Variants in CRISP1 observed in about 807,000 individuals in gnomAD.
CRISP1 encodes the protein cysteine-rich secretory protein 1.
A neutral mutation model predicts 33.1 loss-of-function variants in CRISP1; 44 were observed. That is an observed-to-expected ratio of 1.33 (90% CI 1.05 to 1.71). CRISP1 has a LOEUF of 1.71. Ranked by LOEUF, CRISP1 falls within the 40% of genes most tolerant of loss-of-function variation. The probability of loss-of-function intolerance (pLI) is 0.00; values close to 1 mark genes in which losing one functional copy is unlikely to be tolerated. For missense variants in CRISP1, 390 were observed against 301.2 expected, an observed-to-expected ratio of 1.29 and a Z score of -2.18; for synonymous variants, 103 against 98.7, an observed-to-expected ratio of 1.04 and a Z score of -0.26.
At chr6:49,836,853 CT>C (rs1034159051) in intron 7 of CRISP1, among the ~76,000 whole-genome samples, 1 of 152,112 alleles carries the variant, frequency 6.6e-6, no homozygotes, top group African/African-American at 2.4e-5. Flanking sequence ...TAGTGTATCT[CT>C]GCTTCTTTTT....
intron 2 of CRISP1, among the ~76,000 whole-genome samples, chr6:49,855,742 C>T (rs1538194): frequency 0.19 from 28,317 of 152,066 alleles, 3,437 homozygotes; most frequent in Non-Finnish European, 0.26. Flanking sequence ...AAATTAGACA[C>T]CTAATATCCC....
chr6:49,851,131 T>C (rs1438561285), intron 3 of CRISP1, among the ~76,000 whole-genome samples: 3 of 152,182 alleles, frequency 2.0e-5, no homozygotes, highest in African/African-American at 7.2e-5. Flanking sequence ...TTAGTTCAAA[T>C]ACCCCTTTGG....
intron 5 of CRISP1, among the ~76,000 whole-genome samples, chr6:49,845,861 T>C (rs1771149005): frequency 6.6e-6 from 1 of 152,168 alleles, no homozygotes; most frequent in African/African-American, 2.4e-5. Context: ...TATATCATGC[T>C]GAGTGAAATA....
chr6:49,835,200 C>A lies in CRISP1; in HGVS notation c.*116G>T, dbSNP rs1770746021. 8 of 1,135,152 alleles carry A rather than the reference C, an allele frequency of 7.0e-6. No individual in the cohort carries two copies. Among genetic ancestry groups the A allele is most frequent in the Admixed American group, 2.2e-5 (1 of 45,136 alleles). The allele number at this position is 1,135,152 out of a possible 1,614,324, so 70.3% of individuals were successfully genotyped here. ...TCAGGATGGGAGTTAAGGTCTCCAG[C>A]ATGATTAAAATCAGTGAAATTTAGC... On this transcript the variant is annotated 3_prime_UTR_variant, in exon 8 of 8. Transcript: ENST00000335847.
At chr6:49,836,741 A>G (rs372699092) in intron 7 of CRISP1, among the ~76,000 whole-genome samples, 60 of 152,108 alleles carry the variant, frequency 3.9e-4, no homozygotes, top group Admixed American at 1.1e-3. Flanking sequence ...AAACTGATTC[A>G]CCTTCCAGGA....
In CRISP1 at chr6:49,840,931, G is replaced by A. The variant is rs752374753; in HGVS notation, c.500C>T (p.Pro167Leu). 5 of 1,613,872 alleles carry A rather than the reference G, an allele frequency of 3.1e-6. No individual in the cohort carries two copies. In the Admixed American group the frequency reaches 6.7e-5, roughly 22 times the overall value. ...ATAGTGACAAACGTAGAGATATCGA[G>A]GTGATCCTTGTTGGCGGCAAGATGC... Reference protein sequence around the residue: ...AIASCRQQGSPRYLYVCHYCH... With the variant: ...AIASCRQQGSLRYLYVCHYCH... The change falls in exon 6 of 8, where the codon CCT (proline) becomes CTT (leucine). Residue 167 changes from proline to leucine, a missense_variant. Pro to Leu is a moderately conservative substitution (Grantham distance 98). Coordinates refer to ENST00000335847, the MANE Select transcript of CRISP1 (RefSeq NM_001131.3).
At chr6:49,836,461 G>A (rs935493570) in intron 7 of CRISP1, among the ~76,000 whole-genome samples, 1 of 150,716 alleles carries the variant, frequency 6.6e-6, no homozygotes, top group African/African-American at 2.4e-5. Context: ...TCAGCCTCCC[G>A]AGTAGCTGGG....
chr6:49,855,249 A>G (rs2127475086), intron 2 of CRISP1, among the ~76,000 whole-genome samples: 1 of 152,190 alleles, frequency 6.6e-6, no homozygotes, highest in African/African-American at 2.4e-5. Flanking sequence ...TCCGTGATCC[A>G]TTCTTTCATA....
rs976505473 is a variant in CRISP1, at chr6:49,865,187, T to C, written c.-3+1242A>G. ...GCATATTATGTAATACAGAAACAAA[T>C]TCACATACATAGTCATCTGATTTAT... On this transcript the variant is annotated intron_variant, in intron 1 of 7. Coordinates refer to ENST00000335847, the MANE Select transcript of CRISP1 (RefSeq NM_001131.3). Among the ~76,000 whole-genome samples, 3 of 152,064 alleles carry C rather than the reference T, an allele frequency of 2.0e-5. No individual in the cohort carries two copies. The East Asian group carries it at 5.8e-4, about 29-fold the overall frequency.
intron 3 of CRISP1, among the ~76,000 whole-genome samples, chr6:49,849,995 A>G (rs1771300718): frequency 6.6e-6 from 1 of 151,118 alleles, no homozygotes; most frequent in South Asian, 2.1e-4. Context: ...TTCACTACTA[A>G]GAACAAAAAA....
At chr6:49,876,591 T>C (rs1772040376) in intron 1 of CRISP1, among the ~76,000 whole-genome samples, 3 of 152,070 alleles carry the variant, frequency 2.0e-5, no homozygotes. Flanking sequence ...ACATGTGTGT[T>C]CACAGCAGCA....
intron 7 of CRISP1, among the ~76,000 whole-genome samples, chr6:49,836,463 G>T (rs1770797729): frequency 6.6e-6 from 1 of 151,420 alleles, no homozygotes; most frequent in Admixed American, 6.6e-5. Context: ...AGCCTCCCGA[G>T]TAGCTGGGAC....
At chr6:49,864,908 A>G (rs1272927620) in intron 1 of CRISP1, among the ~76,000 whole-genome samples, 1 of 152,158 alleles carries the variant, frequency 6.6e-6, no homozygotes, top group East Asian at 1.9e-4. Flanking sequence ...ATTCAAATAA[A>G]TCTAGCTAAT....
chr6:49,872,324 C>A (rs542633733), intron 1 of CRISP1, among the ~76,000 whole-genome samples: 1 of 151,802 alleles, frequency 6.6e-6, no homozygotes, highest in African/African-American at 2.4e-5. Flanking sequence ...GAGTAGGTTG[C>A]GAAAATTTTC....
chr6:49,872,895 G>A (rs1771958059), intron 1 of CRISP1, among the ~76,000 whole-genome samples: 1 of 151,942 alleles, frequency 6.6e-6, no homozygotes, highest in South Asian at 2.1e-4. Flanking sequence ...CTCTTTTTTG[G>A]TTCCATATGA....
At chr6:49,847,173 A>C (rs1339339867) in intron 4 of CRISP1, among the ~76,000 whole-genome samples, 1 of 152,206 alleles carries the variant, frequency 6.6e-6, no homozygotes, top group Non-Finnish European at 1.5e-5. Flanking sequence ...CATTGGACTA[A>C]GATTCCAAAT....
At position 49,875,441 on chromosome 6, in the gene CRISP1, A is replaced by G. The variant is rs139081923; in HGVS notation, c.-3+1568T>C. Among the ~76,000 whole-genome samples, 322 of 152,280 alleles carry G rather than the reference A, an allele frequency of 2.1e-3. 1 individual carries two copies. The highest frequency in any genetic ancestry group is 7.5e-3 in the African/African-American group (310 of 41,576). On this transcript the variant is annotated intron_variant, in intron 1 of 7. Transcript: ENST00000505118. ...AAAATATTCCATGCTCATGGATAGG[A>G]AGAATCGATATTGTGAAAATGGATA... is the stretch of plus-strand genomic sequence containing the variant.
At chr6:49,849,294 C>T (rs1371350976) in intron 3 of CRISP1, among the ~76,000 whole-genome samples, 1 of 152,170 alleles carries the variant, frequency 6.6e-6, no homozygotes, top group Non-Finnish European at 1.5e-5. Flanking sequence ...CCATCGGGCC[C>T]CGCAGGTGGT....
intron 2 of CRISP1, among the ~76,000 whole-genome samples, chr6:49,852,423 G>C (rs1184597120): frequency 6.6e-6 from 1 of 151,956 alleles, no homozygotes; most frequent in Non-Finnish European, 1.5e-5. Flanking sequence ...TTTTTATTGG[G>C]CAATAAGATC....
Sources: allele counts gnomAD v4.1 joint callset (sites outside exome capture counted in the v4.1 genomes callset), GRCh38; gene constraint gnomAD v4.1.1; transcripts MANE v1.5; gene names NCBI Gene and HGNC (gene_info 2026-07-23, HGNC 2026-07-21).